ARMH4: variants seen among roughly 807,000 people sequenced by gnomAD.
The protein encoded by ARMH4 is armadillo-like helical domain-containing protein 4.
ARMH4 carries 49 observed loss-of-function variants against 61.9 expected under a neutral mutation model. The ratio of observed to expected loss-of-function variants is 0.79; its 90% CI spans 0.63 to 1.00. ARMH4 has a LOEUF of 1.00. ARMH4 is among the 50% of genes least tolerant of loss of function. The pLI is 0.00. For missense variants in ARMH4, 934 were observed against 930.0 expected (o/e 1.00, Z -0.06); for synonymous variants, 368 against 341.5 (o/e 1.08, Z -0.85).
At chr14:58,046,840 T>C (rs1371852131) in intron 5 of ARMH4, among the ~76,000 whole-genome samples, 2 of 152,248 alleles carry the variant, frequency 1.3e-5, no homozygotes, top group East Asian at 3.8e-4. Context: ...ATTTTTATTA[T>C]AATGTTACTT....
chr14:58,009,239 T>C lies in ARMH4; in HGVS notation c.2121+2880A>G, dbSNP rs1165370683. On this transcript the variant is annotated intron_variant, in intron 6 of 7. Coordinates refer to ENST00000267485, the MANE Select transcript of ARMH4 (RefSeq NM_001001872.4). ...TGGCATAAGAAAATTTCAAGATACGTTCTATAAAAGGGGAGCAGAGCCTTT... is the reference window on the plus strand; with the variant it reads ...TGGCATAAGAAAATTTCAAGATACGCTCTATAAAAGGGGAGCAGAGCCTTT... Among the ~76,000 whole-genome samples the C allele has an allele frequency of 2.0e-5, 3 of 152,266 alleles. No individual in the cohort carries two copies. The East Asian group carries it at 5.8e-4, about 29-fold the overall frequency.
At chr14:58,127,772 C>T (rs1886952284) in intron 4 of ARMH4, among the ~76,000 whole-genome samples, 1 of 152,064 alleles carries the variant, frequency 6.6e-6, no homozygotes, top group Admixed American at 6.6e-5. Flanking sequence ...GTGTGGTCCG[C>T]ACCATGGCAA....
chr14:58,009,563 C>G (rs1264121671), intron 6 of ARMH4, among the ~76,000 whole-genome samples: 10 of 152,078 alleles, frequency 6.6e-5, no homozygotes, highest in Non-Finnish European at 1.5e-5. Flanking sequence ...GTAATCCCAG[C>G]ACTTTGGGAG....
At chr14:58,132,229 G>C (rs993453162) in intron 3 of ARMH4, among the ~76,000 whole-genome samples, 4 of 152,168 alleles carry the variant, frequency 2.6e-5, no homozygotes, top group African/African-American at 9.7e-5. Context: ...CTTTCACATA[G>C]ATTTGAAAAC....
intron 6 of ARMH4, among the ~76,000 whole-genome samples, chr14:58,008,931 T>C (rs1211846336): frequency 6.6e-6 from 1 of 152,212 alleles, no homozygotes; most frequent in Non-Finnish European, 1.5e-5. Context: ...ATTAAAATTG[T>C]TATGCATCTT....
rs532344964 is a variant in ARMH4, at chr14:58,072,564, CA to C, written c.2089+24159del. On this transcript the variant is annotated intron_variant, in intron 5 of 7. Coordinates refer to ENST00000267485, the MANE Select transcript of ARMH4 (RefSeq NM_001001872.4). ...TGAAACCCCATCTCTACTAACAACA[CA>C]AAAAAAATTAGCCGGGTGTGGTGGT... Among the ~76,000 whole-genome samples the C allele has an allele frequency of 7.3e-5, 11 of 151,558 alleles. 1 individual carries two copies. Among genetic ancestry groups the C allele is most frequent in the South Asian group, 6.3e-4 (3 of 4,776 alleles).
At chr14:58,090,002 G>A (rs1885505545) in intron 5 of ARMH4, among the ~76,000 whole-genome samples, 2 of 152,184 alleles carry the variant, frequency 1.3e-5, no homozygotes, top group South Asian at 4.1e-4. Context: ...TTAAAAGATA[G>A]ATACATGAGT....
intron 3 of ARMH4, 103 bp from the exon 4 acceptor site, chr14:58,131,824 A>C: frequency 8.2e-5 from 89 of 1,086,812 alleles, no homozygotes; most frequent in Non-Finnish European, 1.1e-4. Flanking sequence ...AACCAATATC[A>C]TACAATACAG....
At chr14:58,119,914 C>T (rs369504755) in intron 4 of ARMH4, among the ~76,000 whole-genome samples, 43 of 152,202 alleles carry the variant, frequency 2.8e-4, no homozygotes, top group African/African-American at 1.0e-3. Context: ...GAATTTTTTC[C>T]ATATTGTTAG....
chr14:58,138,594 C>A lies in ARMH4; in HGVS notation c.765G>T (p.Glu255Asp). ...TATCAGCTGTCATCTGCGAAGGCTT[C>A]TCCTTATCAGGGGTGAGGCTTCCAG... ...SEPGSLTPDK[E>D]KPSQMTADNT... The change falls in exon 2 of 8, where the codon GAG becomes GAT. Residue 255 changes from glutamate (E) to aspartate (D), a missense_variant. Physicochemically the swap from Glu to Asp is conservative, Grantham distance 45. Coordinates refer to ENST00000267485, the MANE Select transcript of ARMH4 (RefSeq NM_001001872.4). 6.2e-7 allele frequency: 1 copy of A among 1,614,222 alleles called. No individual in the cohort carries two copies. The highest frequency in any genetic ancestry group is 8.5e-7 in the Non-Finnish European group (1 of 1,180,044).
chr14:58,141,530 AG>A (rs2139989041), intron 1 of ARMH4: 2 of 532,304 alleles, frequency 3.8e-6, no homozygotes, highest in South Asian at 2.8e-5. Flanking sequence ...TCCCTCCGCC[AG>A]CTCGTCCAGA....
chr14:58,067,097 T>G (rs1884729300), intron 5 of ARMH4, among the ~76,000 whole-genome samples: 1 of 152,230 alleles, frequency 6.6e-6, no homozygotes, highest in Non-Finnish European at 1.5e-5. Flanking sequence ...CCCATCTTCT[T>G]CAAACACTTT....
intron 5 of ARMH4, 107 bp downstream of exon 5, chr14:58,096,617 G>T: frequency 7.5e-7 from 1 of 1,335,320 alleles, no homozygotes; most frequent in South Asian, 1.5e-5. Flanking sequence ...CATAAACAAA[G>T]AAAATCCATT....
intron 1 of ARMH4, among the ~76,000 whole-genome samples, chr14:58,151,357 C>T (rs538478547): frequency 1.3e-5 from 2 of 152,272 alleles, no homozygotes; most frequent in Admixed American, 6.5e-5. Context: ...GACATTTGGG[C>T]ACCTCCGGCA....
At chr14:58,088,342 T>A (rs1885446210) in intron 5 of ARMH4, among the ~76,000 whole-genome samples, 1 of 152,022 alleles carries the variant, frequency 6.6e-6, no homozygotes, top group Non-Finnish European at 1.5e-5. Context: ...TTAAAAGGCA[T>A]CCTCTTATGT....
chr14:58,120,900 G>A (rs754771086), intron 4 of ARMH4, among the ~76,000 whole-genome samples: 26 of 152,062 alleles, frequency 1.7e-4, no homozygotes, highest in Admixed American at 4.6e-4. Flanking sequence ...CATGTTTTGG[G>A]GTAAAATATT....
chr14:58,023,388 T>C (rs1882914490), intron 5 of ARMH4, among the ~76,000 whole-genome samples: 1 of 152,230 alleles, frequency 6.6e-6, no homozygotes, highest in Non-Finnish European at 1.5e-5. Context: ...CTTTCTTTGC[T>C]CATCCATAAG....
At chr14:58,065,694 G>A (rs1213330100) in intron 5 of ARMH4, among the ~76,000 whole-genome samples, 6 of 152,272 alleles carry the variant, frequency 3.9e-5, no homozygotes, top group African/African-American at 1.4e-4. Context: ...CCTCTTAGGT[G>A]TGGGCATGGC....
At chr14:58,035,463 AAC>A (rs1334723077) in intron 5 of ARMH4, among the ~76,000 whole-genome samples, 1 of 92,784 alleles carries the variant, frequency 1.1e-5, no homozygotes, top group African/African-American at 4.7e-5. Flanking sequence ...ATCCAAAATT[AAC>A]ACCCTAACAT....
Sources: allele counts gnomAD v4.1 joint callset (sites outside exome capture counted in the v4.1 genomes callset), GRCh38; gene constraint gnomAD v4.1.1; transcripts MANE v1.5; gene names NCBI Gene and HGNC (gene_info 2026-07-23, HGNC 2026-07-21).